HTT: variants seen among roughly 807,000 people sequenced by gnomAD.
HTT encodes huntington disease protein.
HTT carries 104 observed loss-of-function variants against 362.3 expected under a neutral mutation model. That is an observed-to-expected ratio of 0.29 (90% CI 0.24 to 0.34). The LOEUF (loss-of-function observed/expected upper bound fraction) is 0.34, where lower values mean the gene tolerates loss of function less well. HTT is among the 10% of genes least tolerant of loss of function. The pLI, the probability that HTT is intolerant of heterozygous loss-of-function variation, is 1.00. For missense variants in HTT, 3,301 were observed against 3,928.6 expected, an observed-to-expected ratio of 0.84 and a Z score of 4.27; for synonymous variants, 1,577 against 1,548.7, an observed-to-expected ratio of 1.02 and a Z score of -0.43.
At chr4:3,215,456 G>A (rs773544958) in intron 51 of HTT, among the ~76,000 whole-genome samples, 17 of 152,090 alleles carry the variant, frequency 1.1e-4, no homozygotes, top group Non-Finnish European at 2.4e-4. Context: ...CAGCTGGGAT[G>A]CCACTGGGGG....
At chr4:3,093,010 G>A (rs1316423225) in intron 2 of HTT, among the ~76,000 whole-genome samples, 3 of 152,216 alleles carry the variant, frequency 2.0e-5, no homozygotes, top group African/African-American at 7.2e-5. Flanking sequence ...AGGAGGCAGA[G>A]CTGGGAGTGC....
At chr4:3,156,932 G>T (rs1485424067) in intron 27 of HTT, 140 bp from the exon 28 acceptor site, 2 of 646,444 alleles carry the variant, frequency 3.1e-6, no homozygotes, top group African/African-American at 1.9e-5. Flanking sequence ...ATTACTTCTA[G>T]TTAATCAAAA....
intron 3 of HTT, among the ~76,000 whole-genome samples, chr4:3,100,061 G>A (rs1204144700): frequency 6.6e-6 from 1 of 152,230 alleles, no homozygotes; most frequent in East Asian, 1.9e-4. Context: ...ACGGTGCCTA[G>A]GTCAATGAAG....
At chr4:3,233,746 GA>G (rs569610953) in intron 61 of HTT, among the ~76,000 whole-genome samples, 157 of 152,348 alleles carry the variant, frequency 1.0e-3, no homozygotes, top group African/African-American at 3.7e-3. Context: ...TTTCCACTGT[GA>G]TTCCGACCTC....
intron 45 of HTT, 53 bp from the exon 46 acceptor site, chr4:3,208,720 A>G: frequency 8.7e-6 from 3 of 346,440 alleles, no homozygotes; most frequent in Non-Finnish European, 8.8e-6. Context: ...GACTAAGACT[A>G]AAAAAAAAAA....
At chr4:3,172,292 G>A (rs765222451) in intron 29 of HTT, 28 bp from the exon 30 acceptor site, 15 of 1,302,194 alleles carry the variant, frequency 1.2e-5, no homozygotes, top group South Asian at 9.4e-5. Context: ...TCTCTGAGTC[G>A]CTTAATGTCT....
At chr4:3,102,595 T>C (rs2110158736) in intron 3 of HTT, among the ~76,000 whole-genome samples, 1 of 152,352 alleles carries the variant, frequency 6.6e-6, no homozygotes, top group Non-Finnish European at 1.5e-5. Context: ...TCAAGCTTGC[T>C]GACCCAATAG....
At chr4:3,139,482 G>A (rs555671219) in intron 21 of HTT, among the ~76,000 whole-genome samples, 1 of 152,318 alleles carries the variant, frequency 6.6e-6, no homozygotes, top group African/African-American at 2.4e-5. Context: ...ACAGGCGTGA[G>A]CCACCGTACC....
At chr4:3,125,731 G>T (rs1257991357) in intron 11 of HTT, 102 bp downstream of exon 11, 2 of 826,312 alleles carry the variant, frequency 2.4e-6, no homozygotes, top group African/African-American at 3.4e-5. Context: ...AGCACGACTG[G>T]GGGCAGCAGT....
intron 41 of HTT, among the ~76,000 whole-genome samples, chr4:3,202,496 C>G (rs373772790): frequency 2.6e-5 from 4 of 152,126 alleles, no homozygotes; most frequent in African/African-American, 9.7e-5. Context: ...GTTTCCTGTT[C>G]GTTAGTTTTC....
chr4:3,174,951 T>C lies in HTT; in HGVS notation c.4251T>C (p.Ala1417=), dbSNP rs781216636. 6.3e-7 allele frequency: 1 copy of C among 1,588,822 alleles called. No homozygotes were observed. The highest frequency in any genetic ancestry group is 8.6e-7 in the Non-Finnish European group (1 of 1,163,574). The change falls in exon 33 of 67, where the codon GCT becomes GCC. Residue 1417 remains alanine, a synonymous_variant. Transcript: ENST00000355072. ...SVTKNRADKN[A]IHNHIRLFEP... ...TCTTTTTTTCTTTTTTATAGAATGCTATTCATAATCACATTCGTTTGTTTG... is the reference window on the plus strand; with the variant it reads ...TCTTTTTTTCTTTTTTATAGAATGCCATTCATAATCACATTCGTTTGTTTG...
intron 50 of HTT, 150 bp downstream of exon 50, chr4:3,214,285 C>T: frequency 2.0e-6 from 1 of 511,272 alleles, no homozygotes; most frequent in Admixed American, 4.3e-5. Flanking sequence ...GGCTGGGCCC[C>T]ATCTCTTACT....
rs745630316 is a variant in HTT, at chr4:3,125,555, T to G, written c.1328T>G (p.Val443Gly). 6.2e-7 allele frequency: 1 copy of G among 1,612,194 alleles called. No individual in the cohort carries two copies. The highest frequency in any genetic ancestry group is 8.5e-7 in the Non-Finnish European group (1 of 1,178,340). ...TTGGTACATTATTTACTAGGCAAAG[T>G]GCTCTTAGGAGAAGAAGAAGCCTTG... ...PVLSRKQKGK[V>G]LLGEEEALED... is the part of the protein sequence containing the mutation. The change falls in exon 11 of 67, where the codon GTG (valine) becomes GGG (glycine). Residue 443 changes from valine (V) to glycine (G), a missense_variant. By Grantham distance (109) the Val-to-Gly change is moderately radical. Around this residue, in one of 4 missense-constraint regions of HTT, gnomAD observed 2,316 missense variants for 2,658.5 expected, o/e 0.87. Coordinates refer to ENST00000355072, the MANE Select transcript of HTT (RefSeq NM_001388492.1).
At chr4:3,209,760 T>TC (rs1274645821) in intron 46 of HTT, 67 bp from the exon 47 acceptor site, 100 of 1,593,028 alleles carry the variant, frequency 6.3e-5, no homozygotes, top group Non-Finnish European at 1.3e-5. Context: ...GGCCTGTAGC[T>TC]CCAGGGATGT....
rs1721872451 is a variant in HTT, at chr4:3,242,866, T to A, written c.*2807T>A. On this transcript the variant is annotated 3_prime_UTR_variant, in exon 67 of 67. Transcript: ENST00000355072. ...TTCCCAAAATGTGCCTCCCTTCCGC[T>A]GCGGGCCCAGCTGAGTCTATGTAGG... The A allele has an allele frequency of 6.6e-6, 1 of 152,188 alleles. No individual in the cohort carries two copies. The allele number at this position is 152,188 out of a possible 1,614,324, so 9.4% of individuals were successfully genotyped here. A position where few individuals can be genotyped will look rare whatever the true frequency, so the allele number is the denominator to read the frequency against.
intron 35 of HTT, among the ~76,000 whole-genome samples, chr4:3,179,528 T>G (rs1181382106): frequency 1.3e-5 from 2 of 151,764 alleles, no homozygotes; most frequent in Non-Finnish European, 2.9e-5. Flanking sequence ...TCAGAGTGTT[T>G]GTGTGTGTGT....
At chr4:3,127,723 G>T in intron 12 of HTT, 119 bp downstream of exon 12, 2 of 713,242 alleles carry the variant, frequency 2.8e-6, no homozygotes. Flanking sequence ...CAGCACTTTG[G>T]GAGACTGAGG....
At chr4:3,162,204 G>A (rs1348654428) in intron 29 of HTT, among the ~76,000 whole-genome samples, 2 of 152,290 alleles carry the variant, frequency 1.3e-5, no homozygotes, top group East Asian at 3.8e-4. Context: ...GCTTATGTGT[G>A]TCAGGTTTGT....
At chr4:3,142,741 T>C in intron 22 of HTT, 25 bp from the exon 23 acceptor site, 2 of 1,235,666 alleles carry the variant, frequency 1.6e-6, no homozygotes, top group Non-Finnish European at 2.4e-6. Flanking sequence ...TAGTGTATTT[T>C]AAGTCTCTAT....
Sources: allele counts gnomAD v4.1 joint callset (sites outside exome capture counted in the v4.1 genomes callset), GRCh38; gene constraint gnomAD v4.1.1; regional missense constraint gnomAD v4.1.1; transcripts MANE v1.5; gene names NCBI Gene and HGNC (gene_info 2026-07-23, HGNC 2026-07-21).